SMYD3: variants seen among roughly 807,000 people sequenced by gnomAD.
The protein encoded by SMYD3 is histone-lysine N-methyltransferase SMYD3.
A neutral mutation model predicts 57.7 loss-of-function variants in SMYD3; 36 were observed. That is an observed-to-expected ratio of 0.62 (90% confidence interval 0.48 to 0.82). The LOEUF (loss-of-function observed/expected upper bound fraction) is 0.82, where lower values mean the gene tolerates loss of function less well. SMYD3 is among the 40% of genes least tolerant of loss of function. The pLI is 0.00. For synonymous variants in SMYD3, 211 were observed against 195.0 expected (o/e 1.08, Z -0.68); for missense variants, 515 against 538.8 (o/e 0.96, Z 0.44).
intron 10 of SMYD3, among the ~76,000 whole-genome samples, chr1:245,836,399 G>C (rs1032541906): frequency 6.6e-6 from 1 of 152,170 alleles, no homozygotes; most frequent in African/African-American, 2.4e-5. Context: ...ACTCACAATA[G>C]CACATTCAGG....
intron 5 of SMYD3, among the ~76,000 whole-genome samples, chr1:245,963,533 G>GTT (rs56686693): frequency 9.5e-5 from 14 of 147,980 alleles, no homozygotes; most frequent in Non-Finnish European, 1.6e-4. Context: ...GCTTTTGTGA[G>GTT]TTTTTTTTTT....
chr1:246,049,453 C>T (rs1296657964), intron 5 of SMYD3, among the ~76,000 whole-genome samples: 2 of 142,926 alleles, frequency 1.4e-5, no homozygotes, highest in Non-Finnish European at 3.0e-5. Flanking sequence ...CCCGCCACCA[C>T]GCCTGGCTAA....
rs563870911 is a variant in SMYD3 at position 246,063,971 on chromosome 1, T to G, written c.532-134034A>C. ...TTTTCAAGGATAAGCAGTTTAGGCC[T>G]GCTAGGTTAACTCTTTTCTGCACAG... On this transcript the variant is annotated intron_variant, in intron 5 of 11. Coordinates refer to ENST00000490107, the MANE Select transcript of SMYD3 (RefSeq NM_001167740.2). Among the ~76,000 whole-genome samples the G allele has an allele frequency of 5.4e-5, 8 of 147,638 alleles. No individual in the cohort carries two copies. The East Asian group carries it at 1.1e-3, about 21-fold the overall frequency.
intron 5 of SMYD3, among the ~76,000 whole-genome samples, chr1:245,957,624 T>G (rs1412580289): frequency 7.0e-6 from 1 of 143,738 alleles, no homozygotes; most frequent in Non-Finnish European, 1.5e-5. Context: ...GGATATATTG[T>G]GTCTATACTT....
intron 5 of SMYD3, among the ~76,000 whole-genome samples, chr1:246,173,147 T>C (rs1324992428): frequency 1.4e-5 from 2 of 147,510 alleles, no homozygotes; most frequent in African/African-American, 2.5e-5. Flanking sequence ...ACACTCACTG[T>C]TCTCTACTGC....
chr1:245,760,915 C>T (rs1054945580), intron 11 of SMYD3, among the ~76,000 whole-genome samples: 3 of 152,076 alleles, frequency 2.0e-5, no homozygotes, highest in Non-Finnish European at 2.9e-5. Flanking sequence ...CACACTCTCC[C>T]GCATTGCCTC....
At chr1:245,995,098 A>G (rs2058898343) in intron 5 of SMYD3, among the ~76,000 whole-genome samples, 1 of 152,220 alleles carries the variant, frequency 6.6e-6, no homozygotes, top group South Asian at 2.1e-4. Flanking sequence ...TCTCAAAAAA[A>G]AGAAAAAGAA....
chr1:246,049,596 C>T lies in SMYD3; in HGVS notation c.532-119659G>A, dbSNP rs185234183. ...CTGGGATTACAGGCGTGAGCCACCG[C>T]GTCCGGCCCATACTATGTGTTTTAA... On this transcript the variant is annotated intron_variant, in intron 5 of 11. Transcript: ENST00000490107. Among the ~76,000 whole-genome samples, 825 of 152,170 alleles carry T rather than the reference C, an allele frequency of 5.4e-3. 11 individuals are homozygous for T. Among genetic ancestry groups the T allele is most frequent in the Non-Finnish European group, 7.2e-3 (489 of 68,018 alleles).
intron 5 of SMYD3, among the ~76,000 whole-genome samples, chr1:246,003,916 C>T (rs1411340407): frequency 6.6e-6 from 1 of 152,176 alleles, no homozygotes; most frequent in African/African-American, 2.4e-5. Context: ...CTGGGACCCA[C>T]GACTTGGGGC....
chr1:245,928,635 C>T (rs1013529578), intron 6 of SMYD3, among the ~76,000 whole-genome samples: 2 of 152,070 alleles, frequency 1.3e-5, no homozygotes, highest in Admixed American at 6.5e-5. Flanking sequence ...GATCGCACCA[C>T]TGCACTCCAG....
intron 1 of SMYD3, among the ~76,000 whole-genome samples, chr1:246,362,451 CCCTCTCCCTCT>C (rs1185720121): frequency 5.1e-4 from 9 of 17,574 alleles, no homozygotes; most frequent in Admixed American, 9.4e-4. Context: ...GTCTCCCTCT[CCCTCTCCCTCT>C]CCACGGTCTC....
chr1:246,395,820 G>A (rs1231881399), intron 1 of SMYD3, among the ~76,000 whole-genome samples: 1 of 152,098 alleles, frequency 6.6e-6, no homozygotes, highest in Non-Finnish European at 1.5e-5. Flanking sequence ...GGCTGGACAG[G>A]GAAGACGAAC....
intron 5 of SMYD3, among the ~76,000 whole-genome samples, chr1:245,951,824 TTTAA>T (rs2057663859): frequency 6.6e-6 from 1 of 152,224 alleles, no homozygotes; most frequent in Non-Finnish European, 1.5e-5. Context: ...TATATACAGA[TTTAA>T]TTAGTTATTT....
Position 245,899,838 on chromosome 1 carries a change from A to G in SMYD3, c.813+15692T>C, listed in dbSNP as rs77131638. Among the ~76,000 whole-genome samples the G allele has an allele frequency of 1.2e-3, 179 of 152,312 alleles. 3 individuals are homozygous for G. The South Asian group carries it at 0.014, about 12-fold the overall frequency. ...AAAGGCTGCAATTCCCTCAAGTAAAAGCAAAAGAGAATTCCTCCTGGCTTA... is the reference window on the plus strand; with the variant it reads ...AAAGGCTGCAATTCCCTCAAGTAAAGGCAAAAGAGAATTCCTCCTGGCTTA... On this transcript the variant is annotated intron_variant, in intron 8 of 11. Transcript: ENST00000490107.
intron 5 of SMYD3, among the ~76,000 whole-genome samples, chr1:245,974,344 T>C (rs2058373463): frequency 6.6e-6 from 1 of 152,120 alleles, no homozygotes; most frequent in Non-Finnish European, 1.5e-5. Context: ...TATAAAACCT[T>C]CCCCCATTTC....
intron 4 of SMYD3, among the ~76,000 whole-genome samples, chr1:246,328,752 C>T (rs2148663289): frequency 6.6e-6 from 1 of 151,392 alleles, no homozygotes. Context: ...AGGTTAGTTA[C>T]ATATGTATAC....
intron 2 of SMYD3, among the ~76,000 whole-genome samples, chr1:246,338,680 AAC>A (rs1193108325): frequency 5.3e-5 from 8 of 152,202 alleles, no homozygotes; most frequent in African/African-American, 1.9e-4. Context: ...TGACATCTAT[AAC>A]ACAATTCTTT....
intron 10 of SMYD3, among the ~76,000 whole-genome samples, chr1:245,806,110 T>C (rs531963424): frequency 6.6e-6 from 1 of 152,308 alleles, no homozygotes; most frequent in Admixed American, 6.5e-5. Context: ...AGACGGGGTC[T>C]TTCCAGTTGT....
intron 1 of SMYD3, among the ~76,000 whole-genome samples, chr1:246,381,132 C>T (rs1210708607): frequency 6.6e-6 from 1 of 152,142 alleles, no homozygotes; most frequent in Non-Finnish European, 1.5e-5. Context: ...AGGAGCAAAA[C>T]TGACACTCTC....
Sources: gnomAD v4.1 joint callset for allele counts (sites outside exome capture counted in the v4.1 genomes callset) on GRCh38, gnomAD v4.1.1 for gene constraint, MANE v1.5 for transcripts, NCBI Gene and HGNC (gene_info 2026-07-23, HGNC 2026-07-21) for gene names.